MRPS22: variants seen among roughly 807,000 people sequenced by gnomAD.
MRPS22 encodes mitochondrial ribosomal protein S22.
Under a neutral mutation model 44.0 loss-of-function variants are expected in MRPS22, and 30 were observed. The observed-to-expected ratio is 0.68, with a 90% CI of 0.51 to 0.93. The LOEUF (loss-of-function observed/expected upper bound fraction) is 0.93, where lower values mean the gene tolerates loss of function less well. Ranked by LOEUF, MRPS22 falls within the 40% of genes least tolerant of loss-of-function variation. MRPS22 has a pLI of 0.00. For missense variants in MRPS22, 447 were observed against 447.8 expected (o/e 1.00, Z 0.02); for synonymous variants, 165 against 154.4 (o/e 1.07, Z -0.51).
intron 4 of MRPS22, 199 bp from the exon 5 acceptor site, chr3:139,350,778 T>G: frequency 1.6e-6 from 1 of 611,426 alleles, no homozygotes; most frequent in Non-Finnish European, 3.0e-6. Flanking sequence ...CCAAGATGGG[T>G]TGTACTAGGG....
intron 1 of MRPS22, among the ~76,000 whole-genome samples, chr3:139,344,404 C>T (rs1940998749): frequency 6.6e-6 from 1 of 152,250 alleles, no homozygotes; most frequent in African/African-American, 2.4e-5. Flanking sequence ...TGCCTGAGTT[C>T]CGCTCCGTGC....
intron 3 of MRPS22, 82 bp downstream of exon 3, chr3:139,348,406 G>A: frequency 7.1e-7 from 1 of 1,408,130 alleles, no homozygotes; most frequent in Non-Finnish European, 1.0e-6. Flanking sequence ...TGACCTGGCT[G>A]TCTCTGATGC....
intron 6 of MRPS22, among the ~76,000 whole-genome samples, chr3:139,354,827 C>T (rs2107791464): frequency 6.6e-6 from 1 of 152,260 alleles, no homozygotes; most frequent in East Asian, 1.9e-4. Flanking sequence ...GTGTATATAG[C>T]AGAGCCTCAA....
At chr3:139,352,992 CTCTTGA>C (rs943371654) in intron 6 of MRPS22, among the ~76,000 whole-genome samples, 200 bp downstream of exon 6, 2 of 152,156 alleles carry the variant, frequency 1.3e-5, no homozygotes, top group African/African-American at 4.8e-5. Flanking sequence ...CACTTACTTT[CTCTTGA>C]AAGAGTAAGT....
In MRPS22 at chr3:139,357,031, C is replaced by CATTT; in HGVS notation, c.*22_*25dup. The CATTT allele has an allele frequency of 6.5e-7, 1 of 1,548,008 alleles. No homozygotes were observed. The highest frequency in any genetic ancestry group is 1.1e-5 in the South Asian group (1 of 88,532). ...GCTTCCTAAAAATATTTTAAAAATA[C>CATTT]ATTTATTTTACTAAATACTGACTAC... On this transcript the variant is annotated 3_prime_UTR_variant, in exon 8 of 8. Coordinates refer to ENST00000680020, the MANE Select transcript of MRPS22 (RefSeq NM_020191.4).
intron 1 of MRPS22, among the ~76,000 whole-genome samples, 183 bp from the exon 2 acceptor site, chr3:139,346,695 A>G (rs1941043550): frequency 6.6e-6 from 1 of 152,256 alleles, no homozygotes; most frequent in Non-Finnish European, 1.5e-5. Context: ...TCTCCTCATC[A>G]TAATGAGTGC....
Position 139,347,334 on chromosome 3 carries a change from C to T in MRPS22, c.339+290C>T, listed in dbSNP as rs7643153. Among the ~76,000 whole-genome samples the T allele has an allele frequency of 3.2e-3, 491 of 152,226 alleles. 3 individuals are homozygous for T. The highest frequency in any genetic ancestry group is 0.011 in the African/African-American group (476 of 41,538). ...TCCTTTTTTCTGCCTGCTCCAGCTTCCTTCCTGGAGAAACATCTACTGTGA... is the reference window on the plus strand; with the variant it reads ...TCCTTTTTTCTGCCTGCTCCAGCTTTCTTCCTGGAGAAACATCTACTGTGA... On this transcript the variant is annotated intron_variant, in intron 2 of 7. Transcript: ENST00000680020.
At position 139,356,957 on chromosome 3, in the gene MRPS22, A is replaced by AGAAC. The variant is rs745896241; in HGVS notation, c.1027_1030dup (p.Leu344ArgfsTer23). ...CAGAAGCACAGAAGGGAGCCTATAT[A>AGAAC]GAACTAACACTGCAGACTTATCAAG... is the stretch of plus-strand genomic sequence containing the variant. On this transcript the variant is annotated frameshift_variant, in exon 8 of 8. Transcript: ENST00000680020. LOFTEE classifies it high-confidence loss of function. 6.2e-7 allele frequency: 1 copy of AGAAC among 1,613,334 alleles called. No individual in the cohort carries two copies. Among genetic ancestry groups the AGAAC allele is most frequent in the Non-Finnish European group, 8.5e-7 (1 of 1,179,654 alleles).
At chr3:139,347,087 G>T (rs747797238) in intron 2 of MRPS22, 43 bp downstream of exon 2, 2 of 1,608,304 alleles carry the variant, frequency 1.2e-6, no homozygotes, top group African/African-American at 2.7e-5. Context: ...TTTCTTTAAG[G>T]GTTTAAACAA....
At position 139,356,904 on chromosome 3, in the gene MRPS22, T is replaced by TTTTAA. The variant is rs754724341; in HGVS notation, c.988-9_988-5dup. On this transcript the variant is annotated splice_polypyrimidine_tract_variant and intron_variant, in intron 7 of 7. Transcript: ENST00000680020. Reference sequence around the variant, plus strand: ...ATGTCCTATTGTTTTAAAATTTTCTTTTTAATTTAAACAGGTCTTTGCAAA... The same window carrying TTTTAA: ...ATGTCCTATTGTTTTAAAATTTTCTTTTTAATTTAATTTAAACAGGTCTTTGCAAA... 3.1e-6 allele frequency: 5 copies of TTTTAA among 1,594,362 alleles called. No individual in the cohort carries two copies. Among genetic ancestry groups the TTTTAA allele is most frequent in the African/African-American group, 2.7e-5 (2 of 74,456 alleles).
At chr3:139,353,916 T>C (rs1941197323) in intron 6 of MRPS22, among the ~76,000 whole-genome samples, 1 of 152,214 alleles carries the variant, frequency 6.6e-6, no homozygotes, top group Non-Finnish European at 1.5e-5. Context: ...AACAGTATGT[T>C]CTTACAAAAA....
At chr3:139,354,235 C>CTGT (rs1941203853) in intron 6 of MRPS22, among the ~76,000 whole-genome samples, 1 of 152,208 alleles carries the variant, frequency 6.6e-6, no homozygotes, top group Non-Finnish European at 1.5e-5. Context: ...TCAGTTCCCA[C>CTGT]TGTTGGTTTT....
rs1312262479 is a variant in MRPS22 at position 139,350,895 on chromosome 3, G to A, written c.649-82G>A. The A allele has an allele frequency of 1.2e-5, 13 of 1,043,770 alleles. No homozygotes were observed. The East Asian group carries it at 3.1e-4, about 25-fold the overall frequency. The allele number at this position is 1,043,770 out of a possible 1,614,324, so 64.7% of individuals were successfully genotyped here. ...GGAGCACAGAGTGGCCAGTATGTGG[G>A]TGGGCAGGCCTGTCATGACATCAGG... is the stretch of plus-strand genomic sequence containing the variant. On this transcript the variant is annotated intron_variant, in intron 4 of 7. Transcript: ENST00000680020.
At chr3:139,352,322 G>C (rs1305523843) in intron 5 of MRPS22, 6 of 279,928 alleles carry the variant, frequency 2.1e-5, no homozygotes, top group African/African-American at 4.4e-5. Context: ...GGCCTGCCAT[G>C]CCCAGCTAAT....
chr3:139,356,734 TTG>T (rs1274605596), intron 7 of MRPS22, among the ~76,000 whole-genome samples, 183 bp from the exon 8 acceptor site: 1 of 151,572 alleles, frequency 6.6e-6, no homozygotes, highest in Non-Finnish European at 1.5e-5. Flanking sequence ...GTGTTGGGTA[TTG>T]TTTTTCTGTC....
intron 1 of MRPS22, chr3:139,344,780 G>T: frequency 1.6e-6 from 1 of 629,266 alleles, no homozygotes; most frequent in Non-Finnish European, 2.8e-6. Flanking sequence ...AATTAAGATT[G>T]TTTCTTAAGT....
Position 139,357,055 on chromosome 3 carries a change from A to G in MRPS22, c.*41A>G. The G allele has an allele frequency of 7.0e-7, 1 of 1,422,656 alleles. No individual in the cohort carries two copies. The highest frequency in any genetic ancestry group is 1.4e-5 in the African/African-American group (1 of 70,038). The allele number at this position is 1,422,656 out of a possible 1,614,324, so 88.1% of individuals were successfully genotyped here. A position where few individuals can be genotyped will look rare whatever the true frequency, so the allele number is the denominator to read the frequency against. On this transcript the variant is annotated 3_prime_UTR_variant, in exon 8 of 8. Transcript: ENST00000680020. Reference sequence around the variant, plus strand: ...ACATTTATTTTACTAAATACTGACTACATTTCTCTGTTAATATTGAGCTAA... The same window carrying G: ...ACATTTATTTTACTAAATACTGACTGCATTTCTCTGTTAATATTGAGCTAA...
chr3:139,344,528 T>C (rs141918726), intron 1 of MRPS22: 113 of 609,074 alleles, frequency 1.9e-4, no homozygotes, highest in African/African-American at 1.8e-3. Context: ...CGGGTTGTTA[T>C]AGGGGACGCA....
chr3:139,355,352 T>A lies in MRPS22; in HGVS notation c.879-330T>A, dbSNP rs2291555. Among the ~76,000 whole-genome samples the A allele has an allele frequency of 0.076, 11,543 of 152,224 alleles. 497 individuals are homozygous for A. Among genetic ancestry groups the A allele is most frequent in the Middle Eastern group, 0.14 (40 of 294 alleles). Reference sequence around the variant, plus strand: ...TGGTGAAGTAAGCTGGCCTGGAAATTGTCTACCATTAGGAATGCTGTTTCT... The same window carrying A: ...TGGTGAAGTAAGCTGGCCTGGAAATAGTCTACCATTAGGAATGCTGTTTCT... On this transcript the variant is annotated intron_variant, in intron 6 of 7. Transcript: ENST00000680020.
Sources: gnomAD v4.1 joint callset for allele counts (sites outside exome capture counted in the v4.1 genomes callset) on GRCh38, gnomAD v4.1.1 for gene constraint, MANE v1.5 for transcripts, NCBI Gene and HGNC (gene_info 2026-07-23, HGNC 2026-07-21) for gene names.